RYR1: variants seen among roughly 807,000 people sequenced by gnomAD.
RYR1 encodes the protein ryanodine receptor 1.
In RYR1, 342 loss-of-function variants were observed where a neutral mutation model predicts 583.5. The ratio of observed to expected loss-of-function variants is 0.59; its 90% CI spans 0.54 to 0.64. RYR1 has a LOEUF of 0.64. RYR1 is among the 30% of genes least tolerant of loss of function. The pLI, the probability that RYR1 is intolerant of heterozygous loss-of-function variation, is 0.00. For synonymous variants in RYR1, 2,791 were observed against 2,822.5 expected (o/e 0.99, Z 0.35); for missense variants, 6,032 against 6,917.2 (o/e 0.87, Z 4.54).
chr19:38,516,748 G>A (rs910033247), intron 65 of RYR1, among the ~76,000 whole-genome samples: 2 of 152,190 alleles, frequency 1.3e-5, no homozygotes, highest in Admixed American at 1.3e-4. Context: ...GTATCGAGCA[G>A]TTACTATGTA....
chr19:38,532,122 CTTT>C (rs552357645), intron 76 of RYR1, among the ~76,000 whole-genome samples: 8 of 138,682 alleles, frequency 5.8e-5, no homozygotes, highest in Non-Finnish European at 4.7e-5. Context: ...ACCAGAAGCT[CTTT>C]TTTTTTTTTT....
Position 38,552,127 on chromosome 19 carries a change from A to G in RYR1, c.12282+3707A>G, listed in dbSNP as rs183559580. Among the ~76,000 whole-genome samples the G allele has an allele frequency of 8.8e-4, 133 of 150,450 alleles. 1 individual carries two copies. Among genetic ancestry groups the G allele is most frequent in the Middle Eastern group, 3.4e-3 (1 of 290 alleles). On this transcript the variant is annotated intron_variant, in intron 89 of 105. Transcript: ENST00000359596. Reference sequence around the variant, plus strand: ...CACACCCGGCTACTTTTATTTATTTATTTATTTTAGAGACGGGGTTTGACA... The same window carrying G: ...CACACCCGGCTACTTTTATTTATTTGTTTATTTTAGAGACGGGGTTTGACA...
At chr19:38,487,355 GTGTT>G (rs1042583271) in intron 34 of RYR1, among the ~76,000 whole-genome samples, 10 of 152,084 alleles carry the variant, frequency 6.6e-5, no homozygotes, top group Non-Finnish European at 8.8e-5. Context: ...TTTTGTTTGT[GTGTT>G]TGTTTGTTTT....
At chr19:38,462,564 G>A (rs1345328479) in intron 20 of RYR1, among the ~76,000 whole-genome samples, 1 of 151,948 alleles carries the variant, frequency 6.6e-6, no homozygotes, top group Non-Finnish European at 1.5e-5. Context: ...CCTGCGGAAC[G>A]CCAACACCGC....
chr19:38,435,292 G>A (rs1013238153), intron 1 of RYR1, among the ~76,000 whole-genome samples: 28 of 152,202 alleles, frequency 1.8e-4, no homozygotes, highest in Non-Finnish European at 3.4e-4. Context: ...CTGGTGCCCA[G>A]CCCCATTGCC....
In RYR1 at chr19:38,561,064, G is replaced by A; in HGVS notation, c.12283-49G>A. ...TTAAAAAAAAAAAAAAAAAGAGAGAGAATTGAGGCTCTCCAGGTCACCCCA... is the reference window on the plus strand; with the variant it reads ...TTAAAAAAAAAAAAAAAAAGAGAGAAAATTGAGGCTCTCCAGGTCACCCCA... On this transcript the variant is annotated intron_variant, in intron 89 of 105. Transcript: ENST00000359596. This position sits in a 1 kb window ranked among gnomAD's most constrained non-coding sequence, Gnocchi z 4.8. The A allele has an allele frequency of 7.1e-7, 1 of 1,405,678 alleles. No individual in the cohort carries two copies. Among genetic ancestry groups the A allele is most frequent in the Non-Finnish European group, 1.0e-6 (1 of 1,003,602 alleles). 87.1% of individuals were successfully genotyped at this position (1,405,678 alleles called of 1,614,324 possible). A position where few individuals can be genotyped will look rare whatever the true frequency, so the allele number is the denominator to read the frequency against.
intron 95 of RYR1, among the ~76,000 whole-genome samples, chr19:38,572,864 GC>G (rs1233905763): frequency 2.1e-5 from 3 of 144,898 alleles, no homozygotes; most frequent in African/African-American, 7.8e-5. Flanking sequence ...CTCTGCCTGT[GC>G]CCCCCAATTC....
At chr19:38,523,878 A>G (rs1325698291) in intron 69 of RYR1, 37 bp from the exon 70 acceptor site, 1 of 1,613,846 alleles carries the variant, frequency 6.2e-7, no homozygotes, top group South Asian at 1.1e-5. Context: ...GGGCTGGGGT[A>G]ACCCTTCTTG....
chr19:38,451,853 C>T lies in RYR1; in HGVS notation c.1212C>T (p.His404=), dbSNP rs758577279. 1 of 1,614,150 alleles carries T rather than the reference C, an allele frequency of 6.2e-7. No homozygotes were observed. The highest frequency in any genetic ancestry group is 8.5e-7 in the Non-Finnish European group (1 of 1,180,014). Residue 404 remains histidine, a synonymous_variant, in exon 12 of 106, where the codon CAC becomes CAT. Coordinates refer to ENST00000359596, the MANE Select transcript of RYR1 (RefSeq NM_000540.3). ...QEESQAARMI[H]STNGLYNQFI... ...AGTCCCAGGCCGCCCGCATGATCCA[C>T]AGCACCAATGGCCTATACAACCAGT... is the stretch of plus-strand genomic sequence containing the variant.
At chr19:38,553,783 T>A (rs373530067) in intron 89 of RYR1, among the ~76,000 whole-genome samples, 2 of 152,256 alleles carry the variant, frequency 1.3e-5, no homozygotes, top group South Asian at 4.1e-4. Flanking sequence ...TATCCTTCCA[T>A]CATTTTTTAA....
intron 94 of RYR1, 151 bp from the exon 95 acceptor site, chr19:38,571,868 C>T: frequency 9.2e-7 from 1 of 1,087,712 alleles, no homozygotes; most frequent in Non-Finnish European, 1.3e-6. Context: ...TTGCTAGCTA[C>T]AGCCCTAGGC....
In RYR1 at chr19:38,536,932, G is replaced by A; in HGVS notation, c.11608+165G>A. 7.1e-6 allele frequency: 5 copies of A among 705,344 alleles called. No individual in the cohort carries two copies. The South Asian group carries it at 8.4e-5, about 12-fold the overall frequency. 43.7% of individuals were successfully genotyped at this position (705,344 alleles called of 1,614,324 possible). On this transcript the variant is annotated intron_variant, in intron 83 of 105. Transcript: ENST00000359596. The stretch of plus-strand genomic sequence containing the variant: ...AAAACCTGGAGATCAGGAGTCTGGG[G>A]AGCATGATTCAGGTCCCAGATCAGC...
At chr19:38,472,805 C>T (rs535370673) in intron 27 of RYR1, among the ~76,000 whole-genome samples, 2 of 148,460 alleles carry the variant, frequency 1.3e-5, no homozygotes, top group Admixed American at 1.4e-4. Context: ...CATTGCACTC[C>T]AGCCTGGGTG....
At chr19:38,458,326 G>A (rs775286123) in intron 18 of RYR1, 34 bp downstream of exon 18, 3 of 1,597,556 alleles carry the variant, frequency 1.9e-6, no homozygotes, top group Non-Finnish European at 2.6e-6. Flanking sequence ...CCTCACCCCT[G>A]ACCATTGACC....
At position 38,565,203 on chromosome 19, in the gene RYR1, C is replaced by T. The variant is rs755065800; in HGVS notation, c.12869C>T (p.Ala4290Val). The T allele has an allele frequency of 6.8e-4, 680 of 1,005,642 alleles. 3 individuals carry two copies. In the African/African-American group the frequency reaches 9.5e-3, roughly 14 times the overall value. The allele number at this position is 1,005,642 out of a possible 1,614,324, so 62.3% of individuals were successfully genotyped here. A position where few individuals can be genotyped will look rare whatever the true frequency, so the allele number is the denominator to read the frequency against. The change falls in exon 91 of 106, where the codon GCG becomes GTG. Residue 4290 changes from alanine (A) to valine (V), a missense_variant. By Grantham distance (64) the Ala-to-Val change is moderately conservative (BLOSUM62 0). Around this residue, in one of 11 missense-constraint regions of RYR1, gnomAD observed 753 missense variants for 759.6 expected, o/e 0.99. Transcript: ENST00000359596. The surrounding 1 kb of genome is among the most constrained non-coding windows in gnomAD (Gnocchi z 4.7). ...CTCGAGGGCACGGCGGCCACGGCGG[C>T]GGCGGGGGCGACGGCGCGGGTTGTG... ...AGLEGTAATAAAGATARVVAA... is the reference protein window; with the variant it reads ...AGLEGTAATAVAGATARVVAA...
At position 38,455,431 on chromosome 19, in the gene RYR1, G is replaced by C. The variant is rs1373809746; in HGVS notation, c.1577-20G>C. On this transcript the variant is annotated intron_variant, in intron 14 of 105. Transcript: ENST00000359596. ...CCAGATCCCCAGTCCTATTGGATCT[G>C]ACACCTCTTCCCCCCTCAGCTTCTC... 8.7e-6 allele frequency: 14 copies of C among 1,614,094 alleles called. No homozygotes were observed. The highest frequency in any genetic ancestry group is 1.2e-5 in the Non-Finnish European group (14 of 1,180,006).
chr19:38,467,135 A>T (rs996706697), intron 24 of RYR1, among the ~76,000 whole-genome samples: 2 of 152,082 alleles, frequency 1.3e-5, no homozygotes, highest in African/African-American at 4.8e-5. Flanking sequence ...CTCCTGACCT[A>T]TCACTGGCTT....
intron 27 of RYR1, among the ~76,000 whole-genome samples, chr19:38,471,836 A>C (rs1968435174): frequency 6.6e-6 from 1 of 150,570 alleles, no homozygotes; most frequent in South Asian, 2.1e-4. Flanking sequence ...CAGGAGGCAA[A>C]AGTTGCAGTC....
At chr19:38,488,858 C>A (rs940813502) in intron 34 of RYR1, among the ~76,000 whole-genome samples, 7 of 152,102 alleles carry the variant, frequency 4.6e-5, no homozygotes, top group Admixed American at 4.6e-4. Flanking sequence ...GCTATGCAGG[C>A]GTAGGGTGTG....
Sources: allele counts gnomAD v4.1 joint callset (sites outside exome capture counted in the v4.1 genomes callset), GRCh38; gene constraint gnomAD v4.1.1; regional missense constraint gnomAD v4.1.1; non-coding constraint Gnocchi (gnomAD v3.1); transcripts MANE v1.5; gene names NCBI Gene and HGNC (gene_info 2026-07-23, HGNC 2026-07-21).